ATAD2B: variants seen among roughly 807,000 people sequenced by gnomAD.
ATAD2B encodes ATPase family AAA domain-containing protein 2B.
ATAD2B carries 40 observed loss-of-function variants against 167.6 expected under a neutral mutation model. That is an observed-to-expected ratio of 0.24 (90% confidence interval 0.19 to 0.31). The LOEUF (loss-of-function observed/expected upper bound fraction) is 0.31, where lower values mean the gene tolerates loss of function less well. ATAD2B is among the 10% of genes least tolerant of loss of function. The probability of loss-of-function intolerance (pLI) is 1.00; values close to 1 mark genes in which losing one functional copy is unlikely to be tolerated. For missense variants in ATAD2B, 1,242 were observed against 1,757.2 expected (o/e 0.71, Z 5.24); for synonymous variants, 579 against 596.5 (o/e 0.97, Z 0.43).
intron 16 of ATAD2B, among the ~76,000 whole-genome samples, chr2:23,821,980 T>C (rs9967848): frequency 0.012 from 1,896 of 152,178 alleles, 38 homozygotes; most frequent in African/African-American, 0.043. Flanking sequence ...TAAAGGTAGT[T>C]TTCTGTTTTT....
chr2:23,876,515 T>C (rs981495672), intron 7 of ATAD2B, among the ~76,000 whole-genome samples: 5 of 152,028 alleles, frequency 3.3e-5, no homozygotes, highest in Admixed American at 6.6e-5. Flanking sequence ...TGGGCTAGGC[T>C]GATCTCAAAC....
intron 6 of ATAD2B, among the ~76,000 whole-genome samples, chr2:23,882,839 C>G (rs1423234224): frequency 1.3e-5 from 2 of 151,208 alleles, no homozygotes; most frequent in African/African-American, 4.9e-5. Context: ...AAAAAAAGAT[C>G]TGATGAAAAT....
chr2:23,708,952 T>A, the ATAD2B span, among the ~76,000 whole-genome samples: 1 of 152,264 alleles, frequency 6.6e-6, no homozygotes, highest in South Asian at 2.1e-4. Context: ...TAGAGCCACA[T>A]GGCAAGTCCA....
chr2:23,691,528 C>T, the ATAD2B span: 1 of 637,576 alleles, frequency 1.6e-6, no homozygotes, highest in African/African-American at 1.8e-5. Flanking sequence ...CGTGTCACAG[C>T]ATTAGGTTCA....
At chr2:23,691,006 G>T in the ATAD2B span, 2 of 153,230 alleles carry the variant, frequency 1.3e-5, no homozygotes, top group Non-Finnish European at 2.9e-5. Context: ...GGCTGTCTGT[G>T]GCGGAAGTCC....
Position 23,782,861 on chromosome 2 carries a change from AT to A in ATAD2B, c.3133+7del. 1 of 1,604,908 alleles carries A rather than the reference AT, an allele frequency of 6.2e-7. No homozygotes were observed. The highest frequency in any genetic ancestry group is 8.5e-7 in the Non-Finnish European group (1 of 1,175,442). ...TATCAAGGGGAACCTTGCCCTATGC[AT>A]CCTTACCTCCTGGGTCCTTATCTGG... is the stretch of plus-strand genomic sequence containing the variant. On this transcript the variant is annotated splice_region_variant and intron_variant, in intron 22 of 27. Coordinates refer to ENST00000238789, the MANE Select transcript of ATAD2B (RefSeq NM_017552.4).
At chr2:23,848,814 C>T (rs1692089152) in intron 13 of ATAD2B, among the ~76,000 whole-genome samples, 1 of 152,110 alleles carries the variant, frequency 6.6e-6, no homozygotes, top group Non-Finnish European at 1.5e-5. Flanking sequence ...AATAATCACA[C>T]TAAATGTATA....
At chr2:23,684,077 T>C in the ATAD2B span, among the ~76,000 whole-genome samples, 1 of 152,230 alleles carries the variant, frequency 6.6e-6, no homozygotes, top group Non-Finnish European at 1.5e-5. This position sits in a 1 kb window ranked among gnomAD's most constrained non-coding sequence, Gnocchi z 4.4. Context: ...TGATAATGTA[T>C]TCTCTATGTT....
intron 15 of ATAD2B, among the ~76,000 whole-genome samples, chr2:23,826,097 C>CA (rs561650702): frequency 2.2e-4 from 33 of 149,788 alleles, no homozygotes; most frequent in South Asian, 4.2e-4. Context: ...GAAACTGAAA[C>CA]AAAAAAAAAC....
chr2:23,868,980 C>G (rs1357840357), intron 9 of ATAD2B, among the ~76,000 whole-genome samples: 1 of 152,106 alleles, frequency 6.6e-6, no homozygotes, highest in African/African-American at 2.4e-5. Context: ...TTTATTTAAA[C>G]TTGGATTTTT....
chr2:23,760,165 T>C (rs982578148), intron 24 of ATAD2B, among the ~76,000 whole-genome samples: 1 of 152,204 alleles, frequency 6.6e-6, no homozygotes, highest in Non-Finnish European at 1.5e-5. Context: ...AAAATGGTCT[T>C]AATCTTTGGG....
At chr2:23,737,897 C>T in the ATAD2B span, among the ~76,000 whole-genome samples, 2 of 152,014 alleles carry the variant, frequency 1.3e-5, no homozygotes, top group Non-Finnish European at 2.9e-5. Flanking sequence ...AGCTACGTGA[C>T]GAATGCAGAA....
At chr2:23,883,292 A>T (rs949027896) in intron 6 of ATAD2B, among the ~76,000 whole-genome samples, 1 of 151,898 alleles carries the variant, frequency 6.6e-6, no homozygotes, top group Non-Finnish European at 1.5e-5. Context: ...AAAAAAAAAA[A>T]AAAAAAAACC....
At chr2:23,903,974 G>A (rs1701161068) in intron 1 of ATAD2B, among the ~76,000 whole-genome samples, 1 of 152,038 alleles carries the variant, frequency 6.6e-6, no homozygotes, top group African/African-American at 2.4e-5. Context: ...TGGTGATGGT[G>A]GTGTGGGGAG....
intron 8 of ATAD2B, among the ~76,000 whole-genome samples, chr2:23,870,099 C>G (rs532326701): frequency 2.7e-4 from 39 of 144,498 alleles, no homozygotes; most frequent in South Asian, 1.1e-3. Flanking sequence ...CCCAGCTACT[C>G]GGGAGGCTGA....
the ATAD2B span, among the ~76,000 whole-genome samples, chr2:23,735,131 C>T: frequency 6.6e-6 from 1 of 152,198 alleles, no homozygotes; most frequent in African/African-American, 2.4e-5. Context: ...CACTTGTCCT[C>T]CATAATAAGA....
chr2:23,742,527 G>A, the ATAD2B span, among the ~76,000 whole-genome samples: 1 of 141,068 alleles, frequency 7.1e-6, no homozygotes, highest in South Asian at 2.3e-4. Context: ...ACACAGGAAG[G>A]GGAACATCAC....
At position 23,754,245 on chromosome 2, in the gene ATAD2B, T is replaced by C. The variant is rs752389904; in HGVS notation, c.4269A>G (p.Leu1423=). The change falls in exon 27 of 28, where the codon TTA becomes TTG. Residue 1423 remains leucine (L), a synonymous_variant. Coordinates refer to ENST00000238789, the MANE Select transcript of ATAD2B (RefSeq NM_017552.4). ...AGATACACTGACTAAGAAGAGAATA[T>C]AATCTCTCAAGCTGATCAACTGCCA... ...NNLAVDQLER[L]YSLLSQCIYR... 10 of 1,565,806 alleles carry C rather than the reference T, an allele frequency of 6.4e-6. No homozygotes were observed. Among genetic ancestry groups the C allele is most frequent in the South Asian group, 1.2e-5 (1 of 84,292 alleles).
the ATAD2B span, among the ~76,000 whole-genome samples, chr2:23,742,219 A>G: frequency 6.6e-6 from 1 of 152,206 alleles, no homozygotes; most frequent in African/African-American, 2.4e-5. Context: ...TACCCAAAGG[A>G]TTATAAATCA....
Sources: gnomAD v4.1 joint callset for allele counts (sites outside exome capture counted in the v4.1 genomes callset) on GRCh38, gnomAD v4.1.1 for gene constraint, Gnocchi (gnomAD v3.1) non-coding constraint, MANE v1.5 for transcripts, NCBI Gene and HGNC (gene_info 2026-07-23, HGNC 2026-07-21) for gene names.